Variants in FHIT observed in about 807,000 individuals in gnomAD.
FHIT encodes fragile histidine triad diadenosine triphosphatase.
Under a neutral mutation model 17.9 loss-of-function variants are expected in FHIT, and 19 were observed. The ratio of observed to expected loss-of-function variants is 1.06; its 90% confidence interval spans 0.74 to 1.56. The LOEUF is 1.56. Ranked by LOEUF, FHIT falls within the 40% of genes most tolerant of loss-of-function variation. FHIT has a pLI of 0.00. For missense variants in FHIT, 248 were observed against 189.2 expected, an observed-to-expected ratio of 1.31 and a Z score of -1.82; for synonymous variants, 81 against 69.7, an observed-to-expected ratio of 1.16 and a Z score of -0.81.
chr3:60,767,044 C>A (rs1699880456), intron 4 of FHIT, among the ~76,000 whole-genome samples: 1 of 152,206 alleles, frequency 6.6e-6, no homozygotes, highest in Non-Finnish European at 1.5e-5. Context: ...GCATTTCCCA[C>A]ATTTAACTCA....
chr3:60,950,892 T>A (rs1274231435), intron 3 of FHIT, among the ~76,000 whole-genome samples: 1 of 152,146 alleles, frequency 6.6e-6, no homozygotes, highest in Non-Finnish European at 1.5e-5. Flanking sequence ...TTTGTATTTA[T>A]CCTTTATCTT....
At chr3:60,613,887 C>A (rs17624499) in intron 4 of FHIT, among the ~76,000 whole-genome samples, 41,032 of 151,650 alleles carry the variant, frequency 0.27, 5,852 homozygotes, top group Non-Finnish European at 0.31. Flanking sequence ...GCTCAGGTAC[C>A]CAAGAGAAGA....
chr3:60,635,575 T>A lies in FHIT; in HGVS notation c.-17-98596A>T, dbSNP rs78158003. ...TGTGTATGTTTATTATCTTACTCCA[T>A]GTCCCATGCCTAGAAATCCCTGGTA... On this transcript the variant is annotated intron_variant, in intron 4 of 9. Coordinates refer to ENST00000492590, the MANE Select transcript of FHIT (RefSeq NM_002012.4). Among the ~76,000 whole-genome samples, 669 of 152,362 alleles carry A rather than the reference T, an allele frequency of 4.4e-3. 4 individuals are homozygous for A. The highest frequency in any genetic ancestry group is 0.016 in the African/African-American group (648 of 41,588).
chr3:60,569,755 A>ATATTTTT, intron 4 of FHIT, among the ~76,000 whole-genome samples: 868 of 77,230 alleles, frequency 0.011, 28 homozygotes, highest in Non-Finnish European at 0.016. Flanking sequence ...ATATATATAT[A>ATATTTTT]TTTTTTTTTT....
At chr3:60,612,480 G>A (rs1576970119) in intron 4 of FHIT, among the ~76,000 whole-genome samples, 2 of 152,276 alleles carry the variant, frequency 1.3e-5, no homozygotes, top group Non-Finnish European at 2.9e-5. Context: ...CTATTATCAG[G>A]AAATCTATGC....
At chr3:60,510,440 T>A (rs2034906073) in intron 5 of FHIT, among the ~76,000 whole-genome samples, 1 of 152,214 alleles carries the variant, frequency 6.6e-6, no homozygotes, top group South Asian at 2.1e-4. Flanking sequence ...CTACATATCA[T>A]TTCTAGGCCT....
chr3:60,040,153 A>AT (rs1421293684), intron 5 of FHIT, among the ~76,000 whole-genome samples: 6 of 121,068 alleles, frequency 5.0e-5, no homozygotes, highest in East Asian at 2.1e-4. Context: ...TTATTTATTT[A>AT]TTTATTTTTT....
At chr3:59,986,578 C>CACACACACACATATAT (rs1559523866) in intron 7 of FHIT, among the ~76,000 whole-genome samples, 14 of 58,362 alleles carry the variant, frequency 2.4e-4, no homozygotes, top group African/African-American at 1.3e-3. Flanking sequence ...CATATATACA[C>CACACACACACATATAT]ACACACACAC....
At chr3:60,318,543 C>A (rs1321916137) in intron 5 of FHIT, among the ~76,000 whole-genome samples, 1 of 152,186 alleles carries the variant, frequency 6.6e-6, no homozygotes, top group Non-Finnish European at 1.5e-5. Context: ...ATCCCTCTTC[C>A]TTTGGGCCTT....
intron 4 of FHIT, among the ~76,000 whole-genome samples, chr3:60,766,375 C>A (rs1417791801): frequency 6.6e-6 from 1 of 152,144 alleles, no homozygotes; most frequent in Non-Finnish European, 1.5e-5. Flanking sequence ...GGCAGCCTGT[C>A]CGGCTTACTG....
At chr3:60,060,838 T>C (rs1394273560) in intron 5 of FHIT, among the ~76,000 whole-genome samples, 1 of 152,230 alleles carries the variant, frequency 6.6e-6, no homozygotes, top group Non-Finnish European at 1.5e-5. Context: ...CTCTTATTAA[T>C]TACTTCTTGG....
chr3:59,957,355 C>G (rs1707455713), intron 7 of FHIT, among the ~76,000 whole-genome samples: 1 of 152,228 alleles, frequency 6.6e-6, no homozygotes, highest in South Asian at 2.1e-4. Flanking sequence ...TGGATGCTCA[C>G]AAGAGGGGCC....
chr3:60,259,845 G>A (rs918937037), intron 5 of FHIT, among the ~76,000 whole-genome samples: 2 of 152,054 alleles, frequency 1.3e-5, no homozygotes, highest in African/African-American at 4.8e-5. Flanking sequence ...AGAGTAAAGA[G>A]TGGGTCAGAT....
intron 8 of FHIT, among the ~76,000 whole-genome samples, chr3:59,818,678 G>A (rs1700688810): frequency 6.6e-6 from 1 of 152,138 alleles, no homozygotes; most frequent in African/African-American, 2.4e-5. Flanking sequence ...GATGTAACTG[G>A]GATTCATTTT....
intron 1 of FHIT, among the ~76,000 whole-genome samples, chr3:61,217,735 C>T (rs1400393341): frequency 6.6e-6 from 1 of 152,164 alleles, no homozygotes; most frequent in Non-Finnish European, 1.5e-5. Flanking sequence ...ACATTCTTTA[C>T]AAGCACATAT....
intron 2 of FHIT, among the ~76,000 whole-genome samples, chr3:61,122,236 C>A (rs1409178974): frequency 6.6e-6 from 1 of 152,110 alleles, no homozygotes; most frequent in Non-Finnish European, 1.5e-5. Flanking sequence ...ACAACCCTGA[C>A]AAAAACAAGC....
At chr3:60,259,195 A>G (rs1343457723) in intron 5 of FHIT, among the ~76,000 whole-genome samples, 2 of 152,130 alleles carry the variant, frequency 1.3e-5, no homozygotes, top group Non-Finnish European at 2.9e-5. Flanking sequence ...AGGTAGAGAA[A>G]TAGAAGAAGT....
At chr3:60,587,005 A>T (rs909912903) in intron 4 of FHIT, among the ~76,000 whole-genome samples, 5 of 152,014 alleles carry the variant, frequency 3.3e-5, no homozygotes, top group Admixed American at 6.6e-5. Context: ...TAAAAATTTT[A>T]AAAAATTCAA....
At chr3:59,914,039 C>G (rs931930291) in intron 8 of FHIT, among the ~76,000 whole-genome samples, 10 of 152,150 alleles carry the variant, frequency 6.6e-5, no homozygotes, top group African/African-American at 1.9e-4. Flanking sequence ...CAGAAGAAAT[C>G]TAATGCATGA....
Sources: allele counts gnomAD v4.1 joint callset (sites outside exome capture counted in the v4.1 genomes callset), GRCh38; gene constraint gnomAD v4.1.1; transcripts MANE v1.5; gene names NCBI Gene and HGNC (gene_info 2026-07-23, HGNC 2026-07-21).